RAB3GAP2: variants seen among roughly 807,000 people sequenced by gnomAD.
RAB3GAP2 encodes the protein RAB3 GTPase activating non-catalytic protein subunit 2.
Under a neutral mutation model 185.3 loss-of-function variants are expected in RAB3GAP2, and 87 were observed. That is an observed-to-expected ratio of 0.47 (90% CI 0.39 to 0.56). The LOEUF (loss-of-function observed/expected upper bound fraction) is 0.56, where lower values mean the gene tolerates loss of function less well. Among genes scored for constraint, RAB3GAP2 ranks in the 20% least tolerant of loss-of-function variants. The pLI is 0.00. For missense variants in RAB3GAP2, 1,492 were observed against 1,638.2 expected (o/e 0.91, Z 1.54); for synonymous variants, 554 against 576.1 (o/e 0.96, Z 0.55).
In RAB3GAP2 at chr1:220,167,679, T is replaced by G. The variant is rs752285539; in HGVS notation, c.2807-4A>C. ...GCTACACTGTCTGCAATGCCACCTA[T>G]AGTTTGGAGACAAGAAAGAAAATAA... On this transcript the variant is annotated splice_region_variant and splice_polypyrimidine_tract_variant and intron_variant, in intron 24 of 34. Coordinates refer to ENST00000358951, the MANE Select transcript of RAB3GAP2 (RefSeq NM_012414.4). 6.2e-7 allele frequency: 1 copy of G among 1,613,258 alleles called. No homozygotes were observed. The highest frequency in any genetic ancestry group is 1.1e-5 in the South Asian group (1 of 91,072).
At chr1:220,210,933 G>A (rs752204997) in intron 5 of RAB3GAP2, 22 bp downstream of exon 5, 1 of 1,613,886 alleles carries the variant, frequency 6.2e-7, no homozygotes, top group Non-Finnish European at 8.5e-7. Context: ...AAAGAAAACA[G>A]ATGACTCTTA....
In RAB3GAP2 at chr1:220,213,768, AAAAGCATTAT is replaced by A. The variant is rs1194803517; in HGVS notation, c.304+78_304+87del. The stretch of plus-strand genomic sequence containing the variant: ...GGAGAGAGAGAGAAATAAATAAATA[AAAAGCATTAT>A]ATTCTTTTCACCTAATCCATTTTCT... On this transcript the variant is annotated intron_variant, in intron 3 of 34. Transcript: ENST00000358951. 6.3e-6 allele frequency: 9 copies of A among 1,423,748 alleles called. No individual in the cohort carries two copies. The African/African-American group carries it at 1.3e-4, about 20-fold the overall frequency. The allele number at this position is 1,423,748 out of a possible 1,614,324, so 88.2% of individuals were successfully genotyped here. A position where few individuals can be genotyped will look rare whatever the true frequency, so the allele number is the denominator to read the frequency against.
At chr1:220,222,087 C>T (rs1008603273) in intron 2 of RAB3GAP2, among the ~76,000 whole-genome samples, 3 of 152,210 alleles carry the variant, frequency 2.0e-5, no homozygotes, top group Non-Finnish European at 2.9e-5. Context: ...TTCTCAGCAG[C>T]TTTCTGCCTA....
chr1:220,190,947 A>G (rs1381893188), intron 14 of RAB3GAP2, 121 bp downstream of exon 14: 10 of 997,042 alleles, frequency 1.0e-5, no homozygotes, highest in Non-Finnish European at 1.4e-5. Flanking sequence ...AAACCACAAT[A>G]AAGAATATTG....
At chr1:220,175,485 G>A (rs1306793403) in intron 21 of RAB3GAP2, among the ~76,000 whole-genome samples, 4 of 152,018 alleles carry the variant, frequency 2.6e-5, no homozygotes, top group African/African-American at 9.7e-5. Context: ...CCAAAGTGCT[G>A]GGATTACAGG....
chr1:220,220,189 T>G (rs1314097584), intron 2 of RAB3GAP2: 1 of 152,262 alleles, frequency 6.6e-6, no homozygotes, highest in East Asian at 1.9e-4. Flanking sequence ...TTACTAAAGT[T>G]GACACTGAAT....
intron 28 of RAB3GAP2, among the ~76,000 whole-genome samples, chr1:220,160,624 T>C (rs1479049850): frequency 6.6e-6 from 1 of 152,240 alleles, no homozygotes; most frequent in African/African-American, 2.4e-5. Flanking sequence ...ATATAGCCTA[T>C]GTTCCAGCCA....
At chr1:220,245,371 AG>A (rs1659785138) in intron 1 of RAB3GAP2, among the ~76,000 whole-genome samples, 1 of 152,268 alleles carries the variant, frequency 6.6e-6, no homozygotes, top group African/African-American at 2.4e-5. Context: ...GCAAGGGGTC[AG>A]GGAGGTCCCT....
At chr1:220,193,510 T>A in intron 12 of RAB3GAP2, 131 bp from the exon 13 acceptor site, 1 of 865,274 alleles carries the variant, frequency 1.2e-6, no homozygotes. Context: ...TTACCTGGAT[T>A]AATAGTTAAT....
At chr1:220,186,120 A>G (rs567811757) in intron 17 of RAB3GAP2, among the ~76,000 whole-genome samples, 13 of 152,318 alleles carry the variant, frequency 8.5e-5, no homozygotes, top group African/African-American at 2.9e-4. Context: ...GTCAATAACA[A>G]AAGCTGCCAA....
At chr1:220,197,796 T>C (rs1177535818) in intron 9 of RAB3GAP2, among the ~76,000 whole-genome samples, 1 of 152,200 alleles carries the variant, frequency 6.6e-6, no homozygotes, top group Non-Finnish European at 1.5e-5. Context: ...AGGATTCTAA[T>C]TTATTGTAAG....
In RAB3GAP2 at chr1:220,151,119, CTTTTA is replaced by C. The variant is rs1397328393; in HGVS notation, c.*127_*131del. On this transcript the variant is annotated 3_prime_UTR_variant, in exon 35 of 35. Coordinates refer to ENST00000358951, the MANE Select transcript of RAB3GAP2 (RefSeq NM_012414.4). Reference sequence around the variant, plus strand: ...TTGCACTTTTTAAAAGTTGTATATACTTTTATTTATTTTACAAAAGGAAAAAAAAA... The same window carrying C: ...TTGCACTTTTTAAAAGTTGTATATACTTTATTTTACAAAAGGAAAAAAAAA... 5.2e-6 allele frequency: 5 copies of C among 958,648 alleles called. No homozygotes were observed. Among genetic ancestry groups the C allele is most frequent in the African/African-American group, 3.3e-5 (2 of 60,050 alleles). 59.4% of individuals were successfully genotyped at this position (958,648 alleles called of 1,614,324 possible).
intron 2 of RAB3GAP2, among the ~76,000 whole-genome samples, chr1:220,217,069 G>A (rs1284652688): frequency 1.3e-5 from 2 of 151,886 alleles, no homozygotes; most frequent in African/African-American, 2.4e-5. Flanking sequence ...ATGGAGTCTC[G>A]GAGAGGTTAA....
At chr1:220,253,183 T>C (rs758788441) in intron 1 of RAB3GAP2, among the ~76,000 whole-genome samples, 3 of 152,172 alleles carry the variant, frequency 2.0e-5, no homozygotes, top group Non-Finnish European at 2.9e-5. Flanking sequence ...GGGACCCTGA[T>C]ACCATTCCTC....
chr1:220,249,106 G>T (rs1659881620), intron 1 of RAB3GAP2, among the ~76,000 whole-genome samples: 1 of 152,164 alleles, frequency 6.6e-6, no homozygotes, highest in African/African-American at 2.4e-5. Context: ...AAATGTGGAA[G>T]CAACTTTGGA....
At chr1:220,230,010 T>C (rs1659470923) in intron 2 of RAB3GAP2, among the ~76,000 whole-genome samples, 1 of 152,250 alleles carries the variant, frequency 6.6e-6, no homozygotes, top group Non-Finnish European at 1.5e-5. Flanking sequence ...AGCACATCCC[T>C]TTCTGAAAGG....
intron 1 of RAB3GAP2, among the ~76,000 whole-genome samples, chr1:220,262,077 CAGG>C (rs978157159): frequency 2.1e-4 from 32 of 149,164 alleles, no homozygotes; most frequent in Non-Finnish European, 4.1e-4. Flanking sequence ...ATCACGAGGT[CAGG>C]AGATCGAGAC....
At chr1:220,257,392 C>CA (rs1291624323) in intron 1 of RAB3GAP2, among the ~76,000 whole-genome samples, 105 of 148,162 alleles carry the variant, frequency 7.1e-4, no homozygotes, top group Middle Eastern at 3.5e-3. Flanking sequence ...AAAAACAAAA[C>CA]AAAAAAAAAC....
At chr1:220,244,720 G>A (rs1409965419) in intron 1 of RAB3GAP2, among the ~76,000 whole-genome samples, 1 of 152,098 alleles carries the variant, frequency 6.6e-6, no homozygotes, top group Non-Finnish European at 1.5e-5. Context: ...TTAGACCACT[G>A]GAACAGAATA....
Sources: allele counts gnomAD v4.1 joint callset (sites outside exome capture counted in the v4.1 genomes callset), GRCh38; gene constraint gnomAD v4.1.1; transcripts MANE v1.5; gene names NCBI Gene and HGNC (gene_info 2026-07-23, HGNC 2026-07-21).